The following TRAPPC9 variants were observed in gnomAD, a reference collection of about 807,000 sequenced individuals.
The protein encoded by TRAPPC9 is trafficking protein particle complex subunit 9.
In TRAPPC9, 83 loss-of-function variants were observed where a neutral mutation model predicts 124.0. That is an observed-to-expected ratio of 0.67 (90% confidence interval 0.56 to 0.80). The LOEUF (loss-of-function observed/expected upper bound fraction) is 0.80. TRAPPC9 is among the 30% of genes least tolerant of loss of function. The probability of loss-of-function intolerance (pLI) is 0.00; values close to 1 mark genes in which losing one functional copy is unlikely to be tolerated. For missense variants in TRAPPC9, 1,302 were observed against 1,508.3 expected, an observed-to-expected ratio of 0.86 and a Z score of 2.27; for synonymous variants, 638 against 617.5, an observed-to-expected ratio of 1.03 and a Z score of -0.49.
At chr8:139,994,115 C>A (rs565351569) in intron 18 of TRAPPC9, among the ~76,000 whole-genome samples, 93 of 152,276 alleles carry the variant, frequency 6.1e-4, no homozygotes, top group African/African-American at 2.2e-3. Flanking sequence ...TGGGATCCCC[C>A]CAGAAAGCAG....
At chr8:139,972,726 T>C (rs1291960801) in intron 19 of TRAPPC9, among the ~76,000 whole-genome samples, 2 of 152,244 alleles carry the variant, frequency 1.3e-5, no homozygotes, top group South Asian at 2.1e-4. Flanking sequence ...CATCTGAGGC[T>C]GGATCCCTGG....
intron 17 of TRAPPC9, among the ~76,000 whole-genome samples, chr8:140,065,373 T>C (rs572121861): frequency 1.3e-5 from 2 of 152,278 alleles, no homozygotes; most frequent in South Asian, 4.1e-4. Flanking sequence ...GCAAAGATCA[T>C]TGAGGAAGAT....
chr8:140,366,683 T>C (rs756735157), intron 8 of TRAPPC9, among the ~76,000 whole-genome samples: 12 of 152,190 alleles, frequency 7.9e-5, no homozygotes, highest in Non-Finnish European at 1.3e-4. Context: ...TATCTTTAGA[T>C]AAAACACCCA....
intron 19 of TRAPPC9, among the ~76,000 whole-genome samples, chr8:139,981,411 ACG>A (rs1204425478): frequency 1.3e-5 from 2 of 152,196 alleles, no homozygotes; most frequent in African/African-American, 4.8e-5. Context: ...AGATTGAAAA[ACG>A]AGGTACAAAG....
At chr8:140,277,607 G>A (rs1162628144) in intron 14 of TRAPPC9, among the ~76,000 whole-genome samples, 1 of 152,198 alleles carries the variant, frequency 6.6e-6, no homozygotes, top group African/African-American at 2.4e-5. Context: ...AGGCCCTGAC[G>A]GTCCCAGCTG....
chr8:139,965,308 G>T (rs1161783869), intron 19 of TRAPPC9, among the ~76,000 whole-genome samples: 1 of 152,164 alleles, frequency 6.6e-6, no homozygotes, highest in Non-Finnish European at 1.5e-5. Flanking sequence ...TTGCAATGTT[G>T]GGAGATTCTC....
chr8:140,135,640 G>C (rs527447114), intron 17 of TRAPPC9, among the ~76,000 whole-genome samples: 3 of 152,324 alleles, frequency 2.0e-5, no homozygotes, highest in African/African-American at 7.2e-5. Context: ...GAGTATGGAA[G>C]AACGAGGAAT....
At position 140,071,009 on chromosome 8, in the gene TRAPPC9, G is replaced by A. The variant is rs532861688; in HGVS notation, c.2557-46930C>T. On this transcript the variant is annotated intron_variant, in intron 17 of 22. Transcript: ENST00000438773. ...AGCAACGGGAGCAGGACCACCAAGC[G>A]TTAGTGCGTGCGATCGTTCTAGCAT... is the stretch of plus-strand genomic sequence containing the variant. 2.9e-4 allele frequency among the ~76,000 whole-genome samples: 44 copies of A among 152,342 alleles called. No homozygotes were observed. The South Asian group carries it at 6.0e-3, about 21-fold the overall frequency.
At chr8:139,800,350 G>T (rs1032471459) in intron 21 of TRAPPC9, among the ~76,000 whole-genome samples, 7 of 152,380 alleles carry the variant, frequency 4.6e-5, no homozygotes, top group Admixed American at 4.6e-4. Context: ...TGCCATCCTG[G>T]GAGCATGTGC....
Position 140,221,427 on chromosome 8 carries a change from C to A in TRAPPC9, c.2556+32G>T, listed in dbSNP as rs375799300. On this transcript the variant is annotated intron_variant, in intron 17 of 22. Transcript: ENST00000438773. ...CGGCTTTGCAGAAGCCCGAACGGCA[C>A]GTGGCAGATGCCGTCTGCCATACCA... is the stretch of plus-strand genomic sequence containing the variant. 14 of 1,613,062 alleles carry A rather than the reference C, an allele frequency of 8.7e-6. No individual in the cohort carries two copies. In the African/African-American group the frequency reaches 1.6e-4, roughly 18 times the overall value.
intron 9 of TRAPPC9, among the ~76,000 whole-genome samples, chr8:140,334,955 A>C (rs1367969512): frequency 1.3e-5 from 2 of 152,150 alleles, no homozygotes; most frequent in African/African-American, 4.8e-5. Flanking sequence ...CAGCATGAAA[A>C]ACCATGTGAT....
chr8:140,212,822 T>C (rs1211709389), intron 17 of TRAPPC9, among the ~76,000 whole-genome samples: 1 of 152,142 alleles, frequency 6.6e-6, no homozygotes, highest in African/African-American at 2.4e-5. Flanking sequence ...GGCTCACACC[T>C]GTAATCCCAG....
intron 20 of TRAPPC9, among the ~76,000 whole-genome samples, chr8:139,894,157 G>A (rs1472945980): frequency 1.3e-5 from 2 of 152,230 alleles, no homozygotes; most frequent in African/African-American, 4.8e-5. Flanking sequence ...GAGGTTTCGG[G>A]CAACTAATTT....
chr8:140,351,939 TCA>T (rs767846922), intron 9 of TRAPPC9, among the ~76,000 whole-genome samples: 1 of 152,196 alleles, frequency 6.6e-6, no homozygotes, highest in Non-Finnish European at 1.5e-5. Flanking sequence ...TTTGAGGATA[TCA>T]CACAGTTGTG....
At chr8:139,793,539 G>C (rs187719650) in intron 21 of TRAPPC9, among the ~76,000 whole-genome samples, 1 of 152,292 alleles carries the variant, frequency 6.6e-6, no homozygotes, top group East Asian at 1.9e-4. Context: ...GACTGTTGCT[G>C]ACAGTCACCT....
intron 9 of TRAPPC9, among the ~76,000 whole-genome samples, chr8:140,355,548 C>A (rs1339207071): frequency 6.6e-6 from 1 of 152,124 alleles, no homozygotes; most frequent in Non-Finnish European, 1.5e-5. Context: ...TCCAGTATTT[C>A]TGGTAGACCT....
intron 9 of TRAPPC9, among the ~76,000 whole-genome samples, chr8:140,323,035 G>A (rs1457411016): frequency 2.0e-5 from 3 of 152,212 alleles, no homozygotes; most frequent in Non-Finnish European, 4.4e-5. Flanking sequence ...CTGGTCACCA[G>A]AAAGACCAAG....
intron 21 of TRAPPC9, among the ~76,000 whole-genome samples, chr8:139,836,692 G>A (rs964945595): frequency 4.6e-5 from 7 of 152,222 alleles, no homozygotes; most frequent in South Asian, 2.1e-4. Flanking sequence ...GAATTCCCAG[G>A]AGCAGACACC....
At chr8:140,092,045 C>G (rs928086483) in intron 17 of TRAPPC9, among the ~76,000 whole-genome samples, 1 of 149,238 alleles carries the variant, frequency 6.7e-6, no homozygotes. Context: ...CTCCTGCCGG[C>G]CAGCTCCACT....
Sources: gnomAD v4.1 joint callset for allele counts (sites outside exome capture counted in the v4.1 genomes callset) on GRCh38, gnomAD v4.1.1 for gene constraint, MANE v1.5 for transcripts, NCBI Gene and HGNC (gene_info 2026-07-23, HGNC 2026-07-21) for gene names.